CRYBA4: variants seen among roughly 807,000 people sequenced by gnomAD.
CRYBA4 encodes the protein crystallin beta A4, also known as beta-crystallin A4.
In CRYBA4, 30 loss-of-function variants were observed where a neutral mutation model predicts 31.7. The observed-to-expected ratio is 0.95, with a 90% CI of 0.71 to 1.28. CRYBA4 has a LOEUF of 1.28. Ranked by LOEUF, CRYBA4 falls within the 50% of genes most tolerant of loss-of-function variation. The pLI, the probability that CRYBA4 is intolerant of heterozygous loss-of-function variation, is 0.00. For synonymous variants in CRYBA4, 102 were observed against 102.3 expected (o/e 1.00, Z 0.02); for missense variants, 225 against 260.7 (o/e 0.86, Z 0.94).
At chr22:26,605,756 T>C in the CRYBA4 span, among the ~76,000 whole-genome samples, 28 of 151,696 alleles carry the variant, frequency 1.8e-4, no homozygotes, top group Admixed American at 2.0e-4. Context: ...GGTTTATTTT[T>C]TTTTTTTATT....
intron 5 of CRYBA4, among the ~76,000 whole-genome samples, chr22:26,629,050 T>G (rs1363682918): frequency 1.3e-5 from 2 of 152,092 alleles, no homozygotes; most frequent in African/African-American, 4.8e-5. Context: ...CCCCTAGCCA[T>G]AAAACACAGG....
At chr22:26,593,938 C>T in the CRYBA4 span, among the ~76,000 whole-genome samples, 1 of 152,188 alleles carries the variant, frequency 6.6e-6, no homozygotes, top group African/African-American at 2.4e-5. Context: ...TCATTACTCC[C>T]ATTTTACAGA....
chr22:26,627,334 C>CTCCTCCCTCCCT (rs1929730780), intron 4 of CRYBA4, among the ~76,000 whole-genome samples: 1 of 25,098 alleles, frequency 4.0e-5, no homozygotes. Context: ...CTTTTCCTTT[C>CTCCTCCCTCCCT]CCCTCCCTCC....
At chr22:26,599,673 T>C in the CRYBA4 span, 2 of 1,613,762 alleles carry the variant, frequency 1.2e-6, no homozygotes, top group African/African-American at 1.3e-5. Flanking sequence ...AGCCAACCCA[T>C]CTGAGAGAAA....
At chr22:26,628,505 T>G in intron 5 of CRYBA4, 75 bp downstream of exon 5, 1 of 1,566,382 alleles carries the variant, frequency 6.4e-7, no homozygotes, top group Non-Finnish European at 8.7e-7. Flanking sequence ...GTGAAAACTG[T>G]GTGCTGGGGA....
the CRYBA4 span, among the ~76,000 whole-genome samples, chr22:26,602,342 G>A: frequency 6.6e-6 from 1 of 152,106 alleles, no homozygotes; most frequent in Non-Finnish European, 1.5e-5. Flanking sequence ...CCAGCACTTT[G>A]AGAGGCCCAG....
At chr22:26,597,740 T>C in the CRYBA4 span, among the ~76,000 whole-genome samples, 2 of 152,330 alleles carry the variant, frequency 1.3e-5, no homozygotes, top group East Asian at 1.9e-4. Flanking sequence ...TGATTCCTGA[T>C]GTACCCCAGC....
chr22:26,599,782 C>T, the CRYBA4 span: 2 of 850,684 alleles, frequency 2.4e-6, no homozygotes, highest in South Asian at 2.8e-5. Context: ...GTCGGCTGCT[C>T]TCTCACTTCT....
the CRYBA4 span, among the ~76,000 whole-genome samples, chr22:26,613,052 G>A: frequency 6.6e-6 from 1 of 152,140 alleles, no homozygotes; most frequent in African/African-American, 2.4e-5. Context: ...CCAGGGCAGG[G>A]CCTGAGGTTG....
In CRYBA4 at chr22:26,628,435, G is replaced by A; in HGVS notation, c.443+5G>A. 1 of 1,614,088 alleles carries A rather than the reference G, an allele frequency of 6.2e-7. No homozygotes were observed. The highest frequency in any genetic ancestry group is 1.7e-4 in the Middle Eastern group (1 of 6,056). On this transcript the variant is annotated splice_donor_5th_base_variant and intron_variant, in intron 5 of 5. Coordinates refer to ENST00000354760, the MANE Select transcript of CRYBA4 (RefSeq NM_001886.3). ...CTTCCACGTCCACTCTGGGGCGTAA[G>A]TGTATTCAAGGCTCTACCTGGCAGG...
chr22:26,601,907 C>T, the CRYBA4 span: 1 of 1,612,422 alleles, frequency 6.2e-7, no homozygotes, highest in East Asian at 2.2e-5. Context: ...ACGCTGCCCA[C>T]GCGGTCACTG....
In CRYBA4 at chr22:26,627,518, TTCTTTC is replaced by T. The variant is rs1355634786; in HGVS notation, c.301-762_301-757del. Among the ~76,000 whole-genome samples, 14 of 117,850 alleles carry T rather than the reference TTCTTTC, an allele frequency of 1.2e-4. 1 individual carries two copies. Among genetic ancestry groups the T allele is most frequent in the Middle Eastern group, 4.1e-3 (1 of 246 alleles). 77.3% of individuals were successfully genotyped at this position (117,850 alleles called of 152,430 possible). A position where few individuals can be genotyped will look rare whatever the true frequency, so the allele number is the denominator to read the frequency against. The stretch of plus-strand genomic sequence containing the variant: ...TTTCTTTCTTTCTTTCTTTCTTTCT[TTCTTTC>T]TCTTTCTTTCCTTTTCTTTCTTTCT... On this transcript the variant is annotated intron_variant, in intron 4 of 5. Coordinates refer to ENST00000354760, the MANE Select transcript of CRYBA4 (RefSeq NM_001886.3).
Position 26,630,259 on chromosome 22 carries a change from G to A in CRYBA4, c.444-81G>A, listed in dbSNP as rs944115113. 2.1e-5 allele frequency: 33 copies of A among 1,569,300 alleles called. 1 individual carries two copies. In the African/African-American group the frequency reaches 2.7e-4, roughly 13 times the overall value. Reference sequence around the variant, plus strand: ...CCAGGATGGCTGGAATTGTGTGCGTGTGCATAGATCCCTTTGCCCCTGTGT... The same window carrying A: ...CCAGGATGGCTGGAATTGTGTGCGTATGCATAGATCCCTTTGCCCCTGTGT... On this transcript the variant is annotated intron_variant, in intron 5 of 5. Transcript: ENST00000354760.
chr22:26,628,225 G>A, intron 4 of CRYBA4, 63 bp from the exon 5 acceptor site: 3 of 1,612,060 alleles, frequency 1.9e-6, no homozygotes, highest in Non-Finnish European at 1.7e-6. Flanking sequence ...GTGGAGGCCA[G>A]GAGAGGCTCC....
At chr22:26,620,829 C>T (rs1929509661), upstream of CRYBA4, among the ~76,000 whole-genome samples, 1 of 152,168 alleles carries the variant, frequency 6.6e-6, no homozygotes, top group Non-Finnish European at 1.5e-5. Flanking sequence ...TCCCAAAGTG[C>T]TGAGATTACA....
the CRYBA4 span, among the ~76,000 whole-genome samples, chr22:26,598,333 T>C: frequency 1.3e-5 from 2 of 151,948 alleles, no homozygotes; most frequent in Non-Finnish European, 1.5e-5. Flanking sequence ...TTCCTTCCTT[T>C]CTCTCTCTCT....
chr22:26,592,053 G>A, the CRYBA4 span, among the ~76,000 whole-genome samples: 299 of 152,260 alleles, frequency 2.0e-3, no homozygotes, highest in African/African-American at 7.0e-3. Flanking sequence ...GGAAAATGCT[G>A]GGACTGATAA....
chr22:26,617,723 C>G (rs921682810), upstream of CRYBA4, among the ~76,000 whole-genome samples: 11 of 152,078 alleles, frequency 7.2e-5, no homozygotes, highest in African/African-American at 2.7e-4. Context: ...CCCACTATCT[C>G]TCCCTCATTG....
chr22:26,603,585 A>G, the CRYBA4 span, among the ~76,000 whole-genome samples: 2 of 150,836 alleles, frequency 1.3e-5, no homozygotes, highest in Non-Finnish European at 2.9e-5. Context: ...TGTCATGGCT[A>G]CTCAACTCAC....
Sources: gnomAD v4.1 joint callset for allele counts (sites outside exome capture counted in the v4.1 genomes callset) on GRCh38, gnomAD v4.1.1 for gene constraint, MANE v1.5 for transcripts, NCBI Gene and HGNC (gene_info 2026-07-23, HGNC 2026-07-21) for gene names.